UROD: variants seen among roughly 807,000 people sequenced by gnomAD.
UROD encodes uroporphyrinogen decarboxylase.
UROD carries 34 observed loss-of-function variants against 47.1 expected under a neutral mutation model. That is an observed-to-expected ratio of 0.72 (90% CI 0.55 to 0.96). The LOEUF (loss-of-function observed/expected upper bound fraction) is 0.96, where lower values mean the gene tolerates loss of function less well. UROD is among the 40% of genes least tolerant of loss of function. The pLI is 0.00. For synonymous variants in UROD, 148 were observed against 175.8 expected (o/e 0.84, Z 1.25); for missense variants, 381 against 471.8 (o/e 0.81, Z 1.78).
intron 6 of UROD, 117 bp from the exon 7 acceptor site, chr1:45,014,322 T>C (rs1569964607): frequency 6.5e-7 from 1 of 1,534,714 alleles, no homozygotes; most frequent in Non-Finnish European, 9.0e-7. Flanking sequence ...ACTGGGTTTT[T>C]AGGGTCAGGC....
Position 45,014,673 on chromosome 1 carries a change from C to T in UROD, c.775-63C>T, listed in dbSNP as rs113237487. On this transcript the variant is annotated intron_variant, in intron 7 of 9. Transcript: ENST00000246337. ...TGACCACTGGAGGGCAGCAGAAGTA[C>T]AGTCAAGAAAGATTAGTGGTTGTAG... The T allele has an allele frequency of 2.7e-4, 436 of 1,613,412 alleles. No homozygotes were observed. The African/African-American group carries it at 5.1e-3, about 19-fold the overall frequency.
rs1644827570 is a variant in UROD, at chr1:45,014,014, A to G, written c.580A>G (p.Ile194Val). The G allele has an allele frequency of 6.2e-7, 1 of 1,614,250 alleles. No individual in the cohort carries two copies. The highest frequency in any genetic ancestry group is 2.2e-5 in the East Asian group (1 of 44,886). ...RPQASHQLLR[I>V]LTDALVPYLV... ...TCAGGCTAGTCACCAGCTGCTTCGC[A>G]TCCTCACTGATGCTCTGGTCCCATA... Residue 194 changes from isoleucine (I) to valine (V), a missense_variant, in exon 6 of 10, where the codon ATC (isoleucine) becomes GTC (valine). Physicochemically the swap from Ile to Val is conservative, Grantham distance 29. Coordinates refer to ENST00000246337, the MANE Select transcript of UROD (RefSeq NM_000374.5).
chr1:45,013,814 C>G lies in UROD; in HGVS notation c.474+23C>G. 2 of 1,614,134 alleles carry G rather than the reference C, an allele frequency of 1.2e-6. No individual in the cohort carries two copies. Among genetic ancestry groups the G allele is most frequent in the Non-Finnish European group, 1.7e-6 (2 of 1,180,032 alleles). On this transcript the variant is annotated intron_variant, in intron 5 of 9. Transcript: ENST00000246337. The surrounding 1 kb of genome is among the most constrained non-coding windows in gnomAD (Gnocchi z 4.2). ...CCAGTAATGTGGGACAGGGCAGGGA[C>G]TCGGGGCGCGGGGAGATCACTCTGG...
Position 45,014,492 on chromosome 1 carries a change from C to G in UROD, c.690C>G (p.Asn230Lys), listed in dbSNP as rs1644832109. The G allele has an allele frequency of 1.9e-6, 3 of 1,614,162 alleles. No individual in the cohort carries two copies. Among genetic ancestry groups the G allele is most frequent in the Non-Finnish European group, 2.5e-6 (3 of 1,180,036 alleles). The change falls in exon 7 of 10, where the codon AAC becomes AAG. Residue 230 changes from asparagine to lysine, a missense_variant. Physicochemically the swap from Asn to Lys is moderately conservative, Grantham distance 94. Coordinates refer to ENST00000246337, the MANE Select transcript of UROD (RefSeq NM_000374.5). ...GGCATCTTGGCCCACAGCTCTTCAACAAGTTTGCACTGCCTTACATCCGTG... is the reference window on the plus strand; with the variant it reads ...GGCATCTTGGCCCACAGCTCTTCAAGAAGTTTGCACTGCCTTACATCCGTG... ...HAGHLGPQLFNKFALPYIRDV... is the reference protein window; with the variant it reads ...HAGHLGPQLFKKFALPYIRDV...
Position 45,012,283 on chromosome 1 carries a change from G to A in UROD, c.18G>A (p.Leu6=), listed in dbSNP as rs1644806282. Residue 6 remains leucine, a splice_region_variant and synonymous_variant, in exon 1 of 10, where the codon TTG becomes TTA. Coordinates refer to ENST00000246337, the MANE Select transcript of UROD (RefSeq NM_000374.5). The part of the protein sequence containing the change: MEANG[L]GPQGFPELKN... ...AGCTGACCATGGAAGCGAATGGGTT[G>A]GGGTGAGTTCTCCAGAGCACGCGGT... 3 of 1,613,936 alleles carry A rather than the reference G, an allele frequency of 1.9e-6. No individual in the cohort carries two copies. Among genetic ancestry groups the A allele is most frequent in the South Asian group, 1.1e-5 (1 of 91,092 alleles).
In UROD at chr1:45,013,444, A is replaced by G; in HGVS notation, c.276+90A>G. 6.2e-7 allele frequency: 1 copy of G among 1,606,926 alleles called. No homozygotes were observed. The highest frequency in any genetic ancestry group is 2.2e-5 in the East Asian group (1 of 44,848). On this transcript the variant is annotated intron_variant, in intron 4 of 9. Coordinates refer to ENST00000246337, the MANE Select transcript of UROD (RefSeq NM_000374.5). This position sits in a 1 kb window ranked among gnomAD's most constrained non-coding sequence, Gnocchi z 4.2. ...CAGTCAAGGTTTACAATAAGCACTTATCCTAACTGGATCGAGGGAAAAACT... is the reference window on the plus strand; with the variant it reads ...CAGTCAAGGTTTACAATAAGCACTTGTCCTAACTGGATCGAGGGAAAAACT...
At chr1:45,015,247 C>A in intron 9 of UROD, 90 bp from the exon 10 acceptor site, 1 of 1,549,378 alleles carries the variant, frequency 6.5e-7, no homozygotes, top group Middle Eastern at 2.3e-4. Flanking sequence ...TGAGTAGAAG[C>A]ATGCCTACAT....
In UROD at chr1:45,013,176, G is replaced by A; in HGVS notation, c.174G>A (p.Thr58=). The A allele has an allele frequency of 2.5e-6, 4 of 1,614,152 alleles. No homozygotes were observed. The highest frequency in any genetic ancestry group is 3.4e-6 in the Non-Finnish European group (4 of 1,180,030). The change falls in exon 3 of 10, where the codon ACG becomes ACA. Residue 58 remains threonine (T), a synonymous_variant. Coordinates refer to ENST00000246337, the MANE Select transcript of UROD (RefSeq NM_000374.5). This position sits in a 1 kb window ranked among gnomAD's most constrained non-coding sequence, Gnocchi z 4.2. ...GGGCTGCCCAGGACTTTTTCAGCAC[G>A]TGTCGCTCTCCTGAGGCCTGCTGTG... ...ETRAAQDFFS[T]CRSPEACCEL... is the part of the protein sequence containing the mutation.
rs190769749 is a variant in UROD at position 45,014,217 on chromosome 1, A to G, written c.636+147A>G. 10,169 of 1,332,872 alleles carry G rather than the reference A, an allele frequency of 7.6e-3. 63 individuals are homozygous for G. The highest frequency in any genetic ancestry group is 9.3e-3 in the Non-Finnish European group (8,673 of 932,526). 82.6% of individuals were successfully genotyped at this position (1,332,872 alleles called of 1,614,324 possible). ...GTGATCTAGCGGAGCAGCCAAGCCC[A>G]TCCTGACACTGACAGTGGGGCTTAA... On this transcript the variant is annotated intron_variant, in intron 6 of 9. Coordinates refer to ENST00000246337, the MANE Select transcript of UROD (RefSeq NM_000374.5).
chr1:45,013,966 A>T lies in UROD; in HGVS notation c.532A>T (p.Lys178Ter). The change falls in exon 6 of 10, where the codon AAG (lysine) becomes TAG (stop). Residue 178 changes from lysine to a stop codon, truncating the protein, a stop_gained. Transcript: ENST00000246337. LOFTEE classifies it high-confidence loss of function. The surrounding 1 kb of genome is among the most constrained non-coding windows in gnomAD (Gnocchi z 4.2). Reference protein sequence around the residue: ...GGGSSTMAQAKRWLYQRPQAS... With the variant: ...GGGSSTMAQA ...TGGCTCAAGCACCATGGCTCAGGCC[A>T]AGCGCTGGCTCTATCAGAGACCTCA... is the stretch of plus-strand genomic sequence containing the variant. 6.2e-7 allele frequency: 1 copy of T among 1,614,210 alleles called. No individual in the cohort carries two copies. Among genetic ancestry groups the T allele is most frequent in the South Asian group, 1.1e-5 (1 of 91,086 alleles).
Position 45,014,425 on chromosome 1 carries a change from C to T in UROD, c.637-14C>T, listed in dbSNP as rs745627615. 2 of 1,614,018 alleles carry T rather than the reference C, an allele frequency of 1.2e-6. No homozygotes were observed. Among genetic ancestry groups the T allele is most frequent in the Non-Finnish European group, 8.5e-7 (1 of 1,180,040 alleles). On this transcript the variant is annotated splice_polypyrimidine_tract_variant and intron_variant, in intron 6 of 9. Coordinates refer to ENST00000246337, the MANE Select transcript of UROD (RefSeq NM_000374.5). ...TTGTGTGTTACATATTTTTCTTCAC[C>T]ATACCCTAACTAGGCATTGCAGCTG...
rs116667952 is a variant in UROD, at chr1:45,014,220, C to T, written c.636+150C>T. The T allele has an allele frequency of 5.2e-4, 690 of 1,314,542 alleles. 2 individuals carry two copies. The African/African-American group carries it at 9.3e-3, about 18-fold the overall frequency. 81.4% of individuals were successfully genotyped at this position (1,314,542 alleles called of 1,614,324 possible). A position where few individuals can be genotyped will look rare whatever the true frequency, so the allele number is the denominator to read the frequency against. ...ATCTAGCGGAGCAGCCAAGCCCATC[C>T]TGACACTGACAGTGGGGCTTAATGC... On this transcript the variant is annotated intron_variant, in intron 6 of 9. Transcript: ENST00000246337.
chr1:45,015,383 C>T lies in UROD; in HGVS notation c.989C>T (p.Pro330Leu). Reference protein sequence around the residue: ...LVKQMLDDFGPHRYIANLGHG... With the variant: ...LVKQMLDDFGLHRYIANLGHG... ...AAGCAGATGCTGGATGACTTTGGAC[C>T]ACATCGCTACATTGCCAACCTGGGC... Residue 330 changes from proline (P) to leucine (L), a missense_variant, in exon 10 of 10, where the codon CCA (proline) becomes CTA (leucine). Coordinates refer to ENST00000246337, the MANE Select transcript of UROD (RefSeq NM_000374.5). 6.2e-7 allele frequency: 1 copy of T among 1,614,168 alleles called. No homozygotes were observed. The highest frequency in any genetic ancestry group is 8.5e-7 in the Non-Finnish European group (1 of 1,180,028).
Position 45,013,845 on chromosome 1 carries a change from C to T in UROD, c.474+54C>T. On this transcript the variant is annotated intron_variant, in intron 5 of 9. Coordinates refer to ENST00000246337, the MANE Select transcript of UROD (RefSeq NM_000374.5). The surrounding 1 kb of genome is among the most constrained non-coding windows in gnomAD (Gnocchi z 4.2). ...GCGCGGGGAGATCACTCTGGAAGGT[C>T]TGGGGTAGACAAAAGGAAGGGTCAG... 1 of 1,614,164 alleles carries T rather than the reference C, an allele frequency of 6.2e-7. No homozygotes were observed. The highest frequency in any genetic ancestry group is 8.5e-7 in the Non-Finnish European group (1 of 1,180,034).
intron 6 of UROD, 67 bp from the exon 7 acceptor site, chr1:45,014,372 G>A (rs1644830944): frequency 1.2e-6 from 2 of 1,612,124 alleles, no homozygotes; most frequent in Non-Finnish European, 1.7e-6. Context: ...AATTGAGGTG[G>A]ATTTTGTATG....
chr1:45,012,463 T>A (rs1392293627), intron 1 of UROD, among the ~76,000 whole-genome samples, 178 bp downstream of exon 1: 1 of 152,198 alleles, frequency 6.6e-6, no homozygotes, highest in Non-Finnish European at 1.5e-5. Context: ...CCCAGGGCCT[T>A]AATTCAAGGG....
intron 9 of UROD, 83 bp from the exon 10 acceptor site, chr1:45,015,254 A>G: frequency 6.4e-7 from 1 of 1,569,064 alleles, no homozygotes; most frequent in South Asian, 1.1e-5. Flanking sequence ...AAGCATGCCT[A>G]CATATGCGTT....
In UROD at chr1:45,013,399, T is replaced by C; in HGVS notation, c.276+45T>C. ...CCTAGAATATAATCCAAGGACGCCTTGAAAATCCTTCTATCAGTCCAGTCA... is the reference window on the plus strand; with the variant it reads ...CCTAGAATATAATCCAAGGACGCCTCGAAAATCCTTCTATCAGTCCAGTCA... On this transcript the variant is annotated intron_variant, in intron 4 of 9. Transcript: ENST00000246337. The surrounding 1 kb of genome is among the most constrained non-coding windows in gnomAD (Gnocchi z 4.2). 2 of 1,613,566 alleles carry C rather than the reference T, an allele frequency of 1.2e-6. No homozygotes were observed. The highest frequency in any genetic ancestry group is 1.7e-6 in the Non-Finnish European group (2 of 1,179,528).
At position 45,013,824 on chromosome 1, in the gene UROD, G is replaced by A. The variant is rs202068807; in HGVS notation, c.474+33G>A. On this transcript the variant is annotated intron_variant, in intron 5 of 9. Transcript: ENST00000246337. The surrounding 1 kb of genome is among the most constrained non-coding windows in gnomAD (Gnocchi z 4.2). Reference sequence around the variant, plus strand: ...GGGACAGGGCAGGGACTCGGGGCGCGGGGAGATCACTCTGGAAGGTCTGGG... The same window carrying A: ...GGGACAGGGCAGGGACTCGGGGCGCAGGGAGATCACTCTGGAAGGTCTGGG... The A allele has an allele frequency of 2.4e-4, 386 of 1,614,102 alleles. No individual in the cohort carries two copies. The highest frequency in any genetic ancestry group is 2.9e-4 in the Non-Finnish European group (343 of 1,180,024).
Sources: gnomAD v4.1 joint callset for allele counts (sites outside exome capture counted in the v4.1 genomes callset) on GRCh38, gnomAD v4.1.1 for gene constraint, Gnocchi (gnomAD v3.1) non-coding constraint, MANE v1.5 for transcripts, NCBI Gene and HGNC (gene_info 2026-07-23, HGNC 2026-07-21) for gene names.